The following SLC9B2 variants were observed in gnomAD, a reference collection of about 807,000 sequenced individuals.
The protein encoded by SLC9B2 is sodium/hydrogen exchanger 9B2.
A neutral mutation model predicts 52.2 loss-of-function variants in SLC9B2; 39 were observed. The ratio of observed to expected loss-of-function variants is 0.75; its 90% CI spans 0.58 to 0.98. The LOEUF (loss-of-function observed/expected upper bound fraction) is 0.98. Among genes scored for constraint, SLC9B2 ranks in the 50% least tolerant of loss-of-function variants. The probability of loss-of-function intolerance (pLI) is 0.00; values close to 1 mark genes in which losing one functional copy is unlikely to be tolerated. For missense variants in SLC9B2, 626 were observed against 637.5 expected, an observed-to-expected ratio of 0.98 and a Z score of 0.19; for synonymous variants, 214 against 227.0, an observed-to-expected ratio of 0.94 and a Z score of 0.51.
intron 4 of SLC9B2, among the ~76,000 whole-genome samples, chr4:103,052,318 G>C (rs1744759268): frequency 6.6e-6 from 1 of 152,220 alleles, no homozygotes; most frequent in African/African-American, 2.4e-5. Flanking sequence ...ACAAGAGGCA[G>C]AGCTCAGGCA....
chr4:103,030,175 A>G (rs1245716099), intron 10 of SLC9B2, among the ~76,000 whole-genome samples: 1 of 152,146 alleles, frequency 6.6e-6, no homozygotes, highest in East Asian at 1.9e-4. Context: ...CAACAATTGG[A>G]TATATTGATT....
intron 4 of SLC9B2, among the ~76,000 whole-genome samples, chr4:103,055,303 G>C (rs554681169): frequency 6.6e-6 from 1 of 151,692 alleles, no homozygotes; most frequent in South Asian, 2.1e-4. Context: ...ATGAGTTAAT[G>C]GGTGCAGCAC....
At chr4:103,029,056 C>T (rs906998436) in intron 10 of SLC9B2, among the ~76,000 whole-genome samples, 173 bp from the exon 11 acceptor site, 5 of 152,092 alleles carry the variant, frequency 3.3e-5, no homozygotes, top group African/African-American at 1.2e-4. Flanking sequence ...AAGGATCAAT[C>T]AGGCTATTTG....
At chr4:103,048,470 G>A (rs916679540) in intron 6 of SLC9B2, 1 of 153,332 alleles carries the variant, frequency 6.5e-6, no homozygotes, top group African/African-American at 2.4e-5. Flanking sequence ...TACTTTGTGT[G>A]GCTCTTAACT....
At position 103,053,955 on chromosome 4, in the gene SLC9B2, G is replaced by A. The variant is rs375072481; in HGVS notation, c.443-3573C>T. On this transcript the variant is annotated intron_variant, in intron 4 of 11. Transcript: ENST00000394785. ...CCTGACCTCGTGATCTGCCCGCCTC[G>A]GCCTCCCAAACCAGCAGCTTTTTAA... 3.7e-4 allele frequency among the ~76,000 whole-genome samples: 57 copies of A among 152,074 alleles called. No homozygotes were observed. The South Asian group carries it at 0.011, about 31-fold the overall frequency.
rs1201084705 is a variant in SLC9B2, at chr4:103,023,842, A to G, written c.*2528T>C. Among the ~76,000 whole-genome samples the G allele has an allele frequency of 1.3e-5, 2 of 152,312 alleles. No individual in the cohort carries two copies. The highest frequency in any genetic ancestry group is 2.9e-5 in the Non-Finnish European group (2 of 68,018). On this transcript the variant is annotated 3_prime_UTR_variant, in exon 12 of 12. Transcript: ENST00000394785. ...TTCCTAGGGGCCCTAAACATATTCA[A>G]TAGCATTCTGATTTAGTTATACTAA...
chr4:103,055,174 G>A (rs1428913374), intron 4 of SLC9B2, among the ~76,000 whole-genome samples: 2 of 147,448 alleles, frequency 1.4e-5, no homozygotes, highest in East Asian at 4.2e-4. Context: ...TCACTCATAG[G>A]TGGGAATTGA....
At chr4:103,042,959 G>C (rs1743766089) in intron 9 of SLC9B2, among the ~76,000 whole-genome samples, 2 of 151,746 alleles carry the variant, frequency 1.3e-5, no homozygotes, top group South Asian at 4.2e-4. Context: ...ATGAAATATG[G>C]TATGTAAGGA....
At chr4:103,043,889 G>A (rs998979892) in intron 8 of SLC9B2, among the ~76,000 whole-genome samples, 5 of 152,064 alleles carry the variant, frequency 3.3e-5, no homozygotes, top group Non-Finnish European at 7.4e-5. Flanking sequence ...TTATTTTCAG[G>A]CTCTATGTTT....
Position 103,029,879 on chromosome 4 carries a change from A to G in SLC9B2, c.1256-996T>C, listed in dbSNP as rs538328288. ...AAAAACCAGAAGCTCAGAAAGGATA[A>G]GTAGTTTTCTCAAATTCAAAGGGCG... On this transcript the variant is annotated intron_variant, in intron 10 of 11. Coordinates refer to ENST00000394785, the MANE Select transcript of SLC9B2 (RefSeq NM_178833.7). 3.9e-5 allele frequency among the ~76,000 whole-genome samples: 6 copies of G among 152,306 alleles called. No individual in the cohort carries two copies. In the South Asian group the frequency reaches 1.2e-3, roughly 32 times the overall value.
intron 11 of SLC9B2, among the ~76,000 whole-genome samples, chr4:103,027,797 G>A (rs1214759159): frequency 1.3e-5 from 2 of 152,088 alleles, no homozygotes; most frequent in South Asian, 4.1e-4. Flanking sequence ...ATTTTTGAAA[G>A]TCTGATAGGG....
intron 7 of SLC9B2, 144 bp from the exon 8 acceptor site, chr4:103,045,140 A>T: frequency 1.6e-6 from 1 of 611,720 alleles, no homozygotes; most frequent in African/African-American, 1.9e-5. Context: ...TAAATATGTA[A>T]GTGGAACCTA....
Position 103,026,569 on chromosome 4 carries a change from A to G in SLC9B2, c.1415T>C (p.Leu472Ser). 1.9e-6 allele frequency: 3 copies of G among 1,613,606 alleles called. No homozygotes were observed. Among genetic ancestry groups the G allele is most frequent in the Admixed American group, 1.7e-5 (1 of 59,952 alleles). Residue 472 changes from leucine to serine, a missense_variant, in exon 12 of 12, where the codon TTG becomes TCG. Transcript: ENST00000394785. ...TVQAAIGSVA[L>S]DTARSHGEKQ... The stretch of plus-strand genomic sequence containing the variant: ...CTCTCCATGTGACCTTGCTGTGTCC[A>G]AAGCCACAGATCCTATTGCAGCCTA...
At chr4:103,076,091 C>A (rs77228565) in intron 1 of SLC9B2, 93 bp downstream of exon 1, 2 of 152,282 alleles carry the variant, frequency 1.3e-5, no homozygotes, top group Non-Finnish European at 2.9e-5. Flanking sequence ...AAGGCTGGGC[C>A]CCTCGCTCGC....
intron 9 of SLC9B2, among the ~76,000 whole-genome samples, chr4:103,041,251 A>G (rs931287894): frequency 6.6e-6 from 1 of 152,352 alleles, no homozygotes; most frequent in South Asian, 2.1e-4. Context: ...AAACCCAACT[A>G]TGGTGCATCC....
intron 9 of SLC9B2, among the ~76,000 whole-genome samples, chr4:103,032,690 C>A (rs1432589337): frequency 6.6e-6 from 1 of 152,160 alleles, no homozygotes; most frequent in Non-Finnish European, 1.5e-5. Context: ...ATGCAACCAG[C>A]AGCACCTAGT....
intron 1 of SLC9B2, among the ~76,000 whole-genome samples, chr4:103,074,128 A>G (rs915406947): frequency 3.3e-5 from 5 of 152,202 alleles, no homozygotes; most frequent in African/African-American, 1.2e-4. Context: ...ATGACCAGGT[A>G]AAGAGGCAAG....
intron 9 of SLC9B2, among the ~76,000 whole-genome samples, chr4:103,037,004 C>G (rs1429892394): frequency 6.6e-6 from 1 of 152,012 alleles, no homozygotes; most frequent in Non-Finnish European, 1.5e-5. Context: ...CTCCCCATAT[C>G]TGCAAGCATT....
chr4:103,037,016 T>C (rs570760517), intron 9 of SLC9B2, among the ~76,000 whole-genome samples: 7 of 152,278 alleles, frequency 4.6e-5, no homozygotes, highest in African/African-American at 1.7e-4. Flanking sequence ...GCAAGCATTT[T>C]ATGTGGGTAA....
Sources: allele counts gnomAD v4.1 joint callset (sites outside exome capture counted in the v4.1 genomes callset), GRCh38; gene constraint gnomAD v4.1.1; transcripts MANE v1.5; gene names NCBI Gene and HGNC (gene_info 2026-07-23, HGNC 2026-07-21).